TNFRSF14: variants seen among roughly 807,000 people sequenced by gnomAD.
TNFRSF14 encodes the protein tumor necrosis factor receptor superfamily member 14.
Under a neutral mutation model 34.1 loss-of-function variants are expected in TNFRSF14, and 18 were observed. The observed-to-expected ratio is 0.53, with a 90% CI of 0.36 to 0.78. The LOEUF is 0.78. TNFRSF14 is among the 30% of genes least tolerant of loss of function. The pLI is 0.00. For synonymous variants in TNFRSF14, 157 were observed against 153.2 expected (o/e 1.02, Z -0.18); for missense variants, 352 against 379.5 (o/e 0.93, Z 0.60).
chr1:2,560,068 GC>G (rs1040443114), intron 4 of TNFRSF14, 90 bp downstream of exon 4: 1 of 1,446,406 alleles, frequency 6.9e-7, no homozygotes, highest in Non-Finnish European at 9.1e-7. Flanking sequence ...CGACGGCATG[GC>G]CTGCCCAGGG....
At chr1:2,556,765 G>T in intron 1 of TNFRSF14, 32 bp downstream of exon 1, 1 of 1,561,952 alleles carries the variant, frequency 6.4e-7, no homozygotes, top group Non-Finnish European at 8.7e-7. Context: ...CCGTCTGCTC[G>T]CAGATCCCAG....
At chr1:2,554,841 T>A (rs1051023437), upstream of TNFRSF14, 2 of 151,918 alleles carry the variant, frequency 1.3e-5, no homozygotes, top group Non-Finnish European at 2.9e-5. This position sits in a 1 kb window ranked among gnomAD's most constrained non-coding sequence, Gnocchi z 4.2. Flanking sequence ...TACCGGCAGG[T>A]GTAGGCGCTG....
chr1:2,560,090 G>A, intron 4 of TNFRSF14, 112 bp downstream of exon 4: 2 of 1,415,278 alleles, frequency 1.4e-6, no homozygotes, highest in Non-Finnish European at 9.3e-7. Context: ...GCCCTGGTGA[G>A]ACAGAACCTT....
upstream of TNFRSF14, among the ~76,000 whole-genome samples, chr1:2,554,455 G>T (rs1644185271): frequency 6.6e-6 from 1 of 152,210 alleles, no homozygotes; most frequent in African/African-American, 2.4e-5. The surrounding 1 kb of genome is among the most constrained non-coding windows in gnomAD (Gnocchi z 4.2). Flanking sequence ...GGGAGAAAAG[G>T]GACGGAGGGC....
rs984959784 is a variant in TNFRSF14 at position 2,558,488 on chromosome 1, G to T, written c.304+20G>T. On this transcript the variant is annotated intron_variant, in intron 3 of 7. Transcript: ENST00000355716. ...ACCCAGGTAAGAGGCCAGCACAGCC[G>T]GCCCAGCCTCCGCTTGGGCAGCCTG... 1.2e-6 allele frequency: 2 copies of T among 1,611,672 alleles called. No individual in the cohort carries two copies. Among genetic ancestry groups the T allele is most frequent in the Admixed American group, 1.7e-5 (1 of 59,604 alleles).
intron 5 of TNFRSF14, 123 bp downstream of exon 5, chr1:2,560,837 G>C (rs2234165): frequency 2.4e-6 from 2 of 828,996 alleles, no homozygotes; most frequent in East Asian, 5.3e-5. Flanking sequence ...GCGGCACCCT[G>C]GTCACATGCC....
rs1255646168 is a variant in TNFRSF14 at position 2,563,241 on chromosome 1, C to T, written c.820C>T (p.Pro274Ser). 6.2e-7 allele frequency: 1 copy of T among 1,613,460 alleles called. No individual in the cohort carries two copies. Among genetic ancestry groups the T allele is most frequent in the South Asian group, 1.1e-5 (1 of 91,076 alleles). The change falls in exon 8 of 8, where the codon CCC becomes TCC. Residue 274 changes from proline (P) to serine (S), a missense_variant. Physicochemically the swap from Pro to Ser is moderately conservative, Grantham distance 74 (BLOSUM62 -1). Coordinates refer to ENST00000355716, the MANE Select transcript of TNFRSF14 (RefSeq NM_003820.4). The stretch of plus-strand genomic sequence containing the variant: ...CACGGTGGCCGTGGAGGAGACAATA[C>T]CCTCATTCACGGGGAGGAGCCCAAA... ...VTTVAVEETI[P>S]SFTGRSPNH
rs760955230 is a variant in TNFRSF14, at chr1:2,559,761, T to C, written c.305-62T>C. 8.4e-6 allele frequency: 13 copies of C among 1,554,014 alleles called. No individual in the cohort carries two copies. In the Admixed American group the frequency reaches 2.5e-4, roughly 30 times the overall value. On this transcript the variant is annotated intron_variant, in intron 3 of 7. Transcript: ENST00000355716. ...AGTCCTTGGCCTGTGGATGCTGTCC[T>C]GGCCCGTGGATGGTGTCCCGGCCTC...
chr1:2,559,108 G>A (rs1383857184), intron 3 of TNFRSF14: 2 of 1,365,672 alleles, frequency 1.5e-6, no homozygotes, highest in East Asian at 3.4e-5. Flanking sequence ...GGACAGGGCT[G>A]ACGGCACACC....
rs774132061 is a variant in TNFRSF14 at position 2,561,567 on chromosome 1, C to T, written c.552-106C>T. The T allele has an allele frequency of 3.8e-6, 6 of 1,587,764 alleles. No individual in the cohort carries two copies. In the African/African-American group the frequency reaches 6.7e-5, roughly 18 times the overall value. ...GCCACCAGCCCAGCCTCCCTGGGACCTGTCTTCACTGCCTGGGGCCCTGGG... is the reference window on the plus strand; with the variant it reads ...GCCACCAGCCCAGCCTCCCTGGGACTTGTCTTCACTGCCTGGGGCCCTGGG... On this transcript the variant is annotated intron_variant, in intron 5 of 7. Coordinates refer to ENST00000355716, the MANE Select transcript of TNFRSF14 (RefSeq NM_003820.4). The surrounding 1 kb of genome is among the most constrained non-coding windows in gnomAD (Gnocchi z 6.0).
upstream of TNFRSF14, chr1:2,556,142 G>A (rs1644208036): frequency 7.8e-6 from 3 of 383,642 alleles, no homozygotes; most frequent in Non-Finnish European, 1.0e-5. Flanking sequence ...CGGAAGGGAA[G>A]TTTACCCTGT....
chr1:2,562,754 C>T (rs1644328779), intron 6 of TNFRSF14, 111 bp from the exon 7 acceptor site: 3 of 1,398,306 alleles, frequency 2.1e-6, no homozygotes, highest in African/African-American at 2.8e-5. Context: ...GACGGTCTCC[C>T]AGGGAGAAGC....
In TNFRSF14 at chr1:2,558,417, G is replaced by A; in HGVS notation, c.253G>A (p.Ala85Thr). ...ACCCTGCCCTCCAGGCACCTACATT[G>A]CCCACCTCAATGGCCTAAGCAAGTG... Reference protein sequence around the residue: ...CEPCPPGTYIAHLNGLSKCLQ... With the variant: ...CEPCPPGTYITHLNGLSKCLQ... The change falls in exon 3 of 8, where the codon GCC (alanine) becomes ACC (threonine). Residue 85 changes from alanine to threonine, a missense_variant. By Grantham distance (58) the Ala-to-Thr change is moderately conservative. Coordinates refer to ENST00000355716, the MANE Select transcript of TNFRSF14 (RefSeq NM_003820.4). 1.9e-6 allele frequency: 3 copies of A among 1,613,446 alleles called. No homozygotes were observed. Among genetic ancestry groups the A allele is most frequent in the Non-Finnish European group, 2.5e-6 (3 of 1,179,826 alleles).
rs1570590683 is a variant in TNFRSF14, at chr1:2,561,013, T to C, written c.551+299T>C. 3.0e-5 allele frequency: 13 copies of C among 431,496 alleles called. No homozygotes were observed. In the East Asian group the frequency reaches 4.5e-4, roughly 15 times the overall value. 26.7% of individuals were successfully genotyped at this position (431,496 alleles called of 1,614,324 possible). A position where few individuals can be genotyped will look rare whatever the true frequency, so the allele number is the denominator to read the frequency against. Reference sequence around the variant, plus strand: ...CTCCAGATCCCCTGTCCCCTGGGGCTGTGGGTGTCCCTGAATGTCAGGGCC... The same window carrying C: ...CTCCAGATCCCCTGTCCCCTGGGGCCGTGGGTGTCCCTGAATGTCAGGGCC... On this transcript the variant is annotated intron_variant, in intron 5 of 7. Transcript: ENST00000355716. The surrounding 1 kb of genome is among the most constrained non-coding windows in gnomAD (Gnocchi z 6.0).
chr1:2,559,591 C>G (rs1191827157), intron 3 of TNFRSF14: 2 of 1,532,176 alleles, frequency 1.3e-6, no homozygotes, highest in African/African-American at 2.7e-5. Flanking sequence ...GAAGCCCTCC[C>G]AGGACCTTCC....
At position 2,563,053 on chromosome 1, in the gene TNFRSF14, A is replaced by C; in HGVS notation, c.727-95A>C. ...GCCACGGTAGCTCAGGAAAGAACCCACCCCCTCAAACTGAAAGCAGTAAAA... is the reference window on the plus strand; with the variant it reads ...GCCACGGTAGCTCAGGAAAGAACCCCCCCCCTCAAACTGAAAGCAGTAAAA... On this transcript the variant is annotated intron_variant, in intron 7 of 7. Transcript: ENST00000355716. 3 of 1,588,982 alleles carry C rather than the reference A, an allele frequency of 1.9e-6. No homozygotes were observed. The East Asian group carries it at 6.8e-5, about 36-fold the overall frequency.
Position 2,558,401 on chromosome 1 carries a change from T to A in TNFRSF14, c.237T>A (p.Pro79=), listed in dbSNP as rs747443081. The A allele has an allele frequency of 2.2e-5, 35 of 1,613,226 alleles. No individual in the cohort carries two copies. The highest frequency in any genetic ancestry group is 3.0e-5 in the Non-Finnish European group (35 of 1,179,774). ...CGGGCACAGTGTGTGAACCCTGCCC[T>A]CCAGGCACCTACATTGCCCACCTCA... ...ELTGTVCEPC[P]PGTYIAHLNG... Residue 79 remains proline (P), a synonymous_variant, in exon 3 of 8, where the codon CCT becomes CCA. Coordinates refer to ENST00000355716, the MANE Select transcript of TNFRSF14 (RefSeq NM_003820.4).
At chr1:2,560,559 C>A in intron 4 of TNFRSF14, 65 bp from the exon 5 acceptor site, 1 of 1,298,916 alleles carries the variant, frequency 7.7e-7, no homozygotes, top group Non-Finnish European at 1.1e-6. Context: ...ACAAGCAGTC[C>A]CTAGCCGCCA....
In TNFRSF14 at chr1:2,556,966, C is replaced by A. The variant is rs185638912; in HGVS notation, c.69+233C>A. 351 of 484,640 alleles carry A rather than the reference C, an allele frequency of 7.2e-4. 3 individuals carry two copies. Among genetic ancestry groups the A allele is most frequent in the African/African-American group, 5.9e-3 (305 of 51,320 alleles). The allele number at this position is 484,640 out of a possible 1,614,324, so 30.0% of individuals were successfully genotyped here. A position where few individuals can be genotyped will look rare whatever the true frequency, so the allele number is the denominator to read the frequency against. Reference sequence around the variant, plus strand: ...CCAGCAGACCTCCTCCTGCGTGTGTCCCCCACTCACCACTCCGTCCACGGG... The same window carrying A: ...CCAGCAGACCTCCTCCTGCGTGTGTACCCCACTCACCACTCCGTCCACGGG... On this transcript the variant is annotated intron_variant, in intron 1 of 7. Transcript: ENST00000355716.
Sources: gnomAD v4.1 joint callset for allele counts (sites outside exome capture counted in the v4.1 genomes callset) on GRCh38, gnomAD v4.1.1 for gene constraint, Gnocchi (gnomAD v3.1) non-coding constraint, MANE v1.5 for transcripts, NCBI Gene and HGNC (gene_info 2026-07-23, HGNC 2026-07-21) for gene names.